KCNIP1: variants seen among roughly 807,000 people sequenced by gnomAD.
KCNIP1 encodes potassium voltage-gated channel interacting protein 1.
A neutral mutation model predicts 33.0 loss-of-function variants in KCNIP1; 18 were observed. The observed-to-expected ratio is 0.55, with a 90% CI of 0.38 to 0.81. KCNIP1 has a LOEUF of 0.81. KCNIP1 is among the 30% of genes least tolerant of loss of function. The pLI is 0.00. For missense variants in KCNIP1, 238 were observed against 271.6 expected, an observed-to-expected ratio of 0.88 and a Z score of 0.87; for synonymous variants, 93 against 98.3, an observed-to-expected ratio of 0.95 and a Z score of 0.32.
At chr5:170,559,599 C>G (rs553322614) in intron 1 of KCNIP1, among the ~76,000 whole-genome samples, 2 of 152,296 alleles carry the variant, frequency 1.3e-5, no homozygotes, top group African/African-American at 4.8e-5. Context: ...TACCCCTCTT[C>G]TATTGTTTGG....
At chr5:170,505,892 G>C (rs1754696783) in intron 1 of KCNIP1, among the ~76,000 whole-genome samples, 1 of 152,204 alleles carries the variant, frequency 6.6e-6, no homozygotes, top group Admixed American at 6.5e-5. Context: ...CATTTGTCCA[G>C]CTGAGTTACA....
At chr5:170,571,913 C>A (rs1757424678) in intron 1 of KCNIP1, among the ~76,000 whole-genome samples, 1 of 152,184 alleles carries the variant, frequency 6.6e-6, no homozygotes, top group African/African-American at 2.4e-5. Context: ...TTGAAAAATG[C>A]ATCCCTCCTG....
chr5:170,538,570 C>G (rs537062416), intron 1 of KCNIP1, among the ~76,000 whole-genome samples: 8 of 151,992 alleles, frequency 5.3e-5, no homozygotes, highest in South Asian at 2.1e-4. Context: ...CTCCTTCTTC[C>G]CCACCTCCAT....
At chr5:170,633,978 T>C (rs1466748593) in intron 1 of KCNIP1, among the ~76,000 whole-genome samples, 4 of 152,072 alleles carry the variant, frequency 2.6e-5, no homozygotes, top group African/African-American at 9.7e-5. Context: ...TGGGAGATGC[T>C]GCGGCTCTGG....
intron 1 of KCNIP1, among the ~76,000 whole-genome samples, chr5:170,650,584 G>A (rs1193249813): frequency 6.6e-6 from 1 of 152,120 alleles, no homozygotes. Flanking sequence ...TCTATTTATA[G>A]ACAATTCCAA....
intron 1 of KCNIP1, among the ~76,000 whole-genome samples, chr5:170,569,912 G>A (rs553327254): frequency 4.6e-5 from 7 of 152,260 alleles, no homozygotes; most frequent in South Asian, 4.1e-4. Flanking sequence ...AGCATGGAGC[G>A]AGCCTAAAAA....
chr5:170,724,079 A>T (rs1270442548), intron 5 of KCNIP1, among the ~76,000 whole-genome samples: 1 of 152,220 alleles, frequency 6.6e-6, no homozygotes, highest in Non-Finnish European at 1.5e-5. Context: ...TGAAAGACAC[A>T]AAAGGCAAAA....
At chr5:170,428,838 A>G (rs1755670776) in intron 1 of KCNIP1, among the ~76,000 whole-genome samples, 1 of 152,124 alleles carries the variant, frequency 6.6e-6, no homozygotes, top group South Asian at 2.1e-4. Context: ...GTGCTAGGAA[A>G]GAAGGTATCT....
intron 1 of KCNIP1, among the ~76,000 whole-genome samples, chr5:170,512,706 G>A (rs1204273323): frequency 6.6e-6 from 1 of 152,220 alleles, no homozygotes; most frequent in African/African-American, 2.4e-5. Flanking sequence ...TCCACTTAAA[G>A]TGTGCTCCTC....
intron 1 of KCNIP1, among the ~76,000 whole-genome samples, chr5:170,522,774 C>T (rs1280144195): frequency 6.6e-6 from 1 of 152,246 alleles, no homozygotes; most frequent in Non-Finnish European, 1.5e-5. Flanking sequence ...CTGGGACATT[C>T]TGGCAGATTC....
Position 170,416,947 on chromosome 5 carries a change from G to T in KCNIP1, c.88+62983G>T, listed in dbSNP as rs1456272598. Among the ~76,000 whole-genome samples the T allele has an allele frequency of 2.6e-5, 4 of 152,170 alleles. No individual in the cohort carries two copies. In the East Asian group the frequency reaches 7.7e-4, roughly 29 times the overall value. On this transcript the variant is annotated intron_variant, in intron 1 of 7. Coordinates refer to the KCNIP1 transcript ENST00000377360. Reference sequence around the variant, plus strand: ...ATAATATCCTCTTTTTAAAATTAATGCTAGAATATGGTGCAATATCTTTTT... The same window carrying T: ...ATAATATCCTCTTTTTAAAATTAATTCTAGAATATGGTGCAATATCTTTTT...
chr5:170,699,948 CT>C (rs1290495964), intron 1 of KCNIP1, among the ~76,000 whole-genome samples: 3 of 152,168 alleles, frequency 2.0e-5, no homozygotes, highest in African/African-American at 7.2e-5. Flanking sequence ...TTCAGTTTTC[CT>C]AAAAATAACA....
intron 1 of KCNIP1, among the ~76,000 whole-genome samples, chr5:170,449,055 C>G (rs1756185221): frequency 6.6e-6 from 1 of 152,154 alleles, no homozygotes; most frequent in South Asian, 2.1e-4. Context: ...TCCAGTGCCT[C>G]CATAAGAAAG....
chr5:170,458,148 A>G (rs1756429613), intron 1 of KCNIP1, among the ~76,000 whole-genome samples: 1 of 152,196 alleles, frequency 6.6e-6, no homozygotes, highest in Non-Finnish European at 1.5e-5. Context: ...AAAAAGACAA[A>G]GGAAAAATTA....
chr5:170,422,293 G>A (rs1755513236), intron 1 of KCNIP1: 1 of 152,264 alleles, frequency 6.6e-6, no homozygotes, highest in African/African-American at 2.4e-5. Context: ...ACCCACAGCT[G>A]CGTGACTATG....
intron 1 of KCNIP1, among the ~76,000 whole-genome samples, chr5:170,485,249 T>A (rs758438004): frequency 6.6e-6 from 1 of 152,172 alleles, no homozygotes; most frequent in Non-Finnish European, 1.5e-5. Context: ...CAGATCTAGG[T>A]CTTTCATCCC....
intron 1 of KCNIP1, among the ~76,000 whole-genome samples, chr5:170,400,338 C>A (rs1014760989): frequency 5.9e-5 from 9 of 152,166 alleles, no homozygotes; most frequent in Admixed American, 3.3e-4. Flanking sequence ...CACCTCTTCA[C>A]AAGGTGGCAG....
intron 1 of KCNIP1, among the ~76,000 whole-genome samples, chr5:170,691,676 T>C (rs1762723664): frequency 6.6e-6 from 1 of 152,108 alleles, no homozygotes; most frequent in Non-Finnish European, 1.5e-5. Context: ...ATTCCACTAG[T>C]ATCATGTGGC....
At chr5:170,371,072 G>C (rs1437795583) in intron 1 of KCNIP1, among the ~76,000 whole-genome samples, 4 of 152,202 alleles carry the variant, frequency 2.6e-5, no homozygotes, top group Admixed American at 2.0e-4. Flanking sequence ...TGAGAGGCGG[G>C]TGCATTTGCT....
Sources: allele counts gnomAD v4.1 joint callset (sites outside exome capture counted in the v4.1 genomes callset), GRCh38; gene constraint gnomAD v4.1.1; transcripts MANE v1.5; gene names NCBI Gene and HGNC (gene_info 2026-07-23, HGNC 2026-07-21).